The following INPP4B variants were observed in gnomAD, a reference collection of about 807,000 sequenced individuals.
INPP4B encodes inositol polyphosphate 4-phosphatase type II.
INPP4B carries 55 observed loss-of-function variants against 122.5 expected under a neutral mutation model. That is an observed-to-expected ratio of 0.45 (90% confidence interval 0.36 to 0.56). The LOEUF is 0.56. Among genes scored for constraint, INPP4B ranks in the 20% least tolerant of loss-of-function variants. The pLI is 0.00. For missense variants in INPP4B, 1,000 were observed against 1,097.7 expected, an observed-to-expected ratio of 0.91 and a Z score of 1.26; for synonymous variants, 403 against 388.7, an observed-to-expected ratio of 1.04 and a Z score of -0.43.
At chr4:142,537,429 T>TATATATATATATATAGAGAGAG (rs1200701380) in intron 2 of INPP4B, among the ~76,000 whole-genome samples, 7 of 25,484 alleles carry the variant, frequency 2.7e-4, no homozygotes, top group Non-Finnish European at 5.5e-4. Flanking sequence ...TATATATATA[T>TATATATATATATATAGAGAGAG]AGAGAGAGAG....
At chr4:142,669,414 T>C (rs1417834895) in intron 2 of INPP4B, among the ~76,000 whole-genome samples, 3 of 152,148 alleles carry the variant, frequency 2.0e-5, no homozygotes, top group Non-Finnish European at 2.9e-5. Context: ...CTTTAAAATA[T>C]GCTGCAAGCC....
intron 8 of INPP4B, among the ~76,000 whole-genome samples, chr4:142,312,670 A>C (rs749301625): frequency 5.3e-5 from 8 of 152,166 alleles, no homozygotes; most frequent in Non-Finnish European, 8.8e-5. Context: ...AAAGTGGCTG[A>C]CCTGGAGTCA....
At chr4:142,511,016 A>G (rs991906463) in intron 2 of INPP4B, among the ~76,000 whole-genome samples, 1 of 152,158 alleles carries the variant, frequency 6.6e-6, no homozygotes, top group African/African-American at 2.4e-5. Flanking sequence ...AATTCCTGGG[A>G]AATGAAGGAT....
intron 2 of INPP4B, among the ~76,000 whole-genome samples, chr4:142,488,943 T>C (rs1821518031): frequency 6.6e-6 from 1 of 152,138 alleles, no homozygotes; most frequent in Non-Finnish European, 1.5e-5. Context: ...ACGTGAAAAC[T>C]TAGTTAACTA....
At chr4:142,268,336 A>AAAAAAAAAAAAAAAAAAAAAAAAAAAAAC (rs1189940381) in intron 10 of INPP4B, among the ~76,000 whole-genome samples, 1 of 141,370 alleles carries the variant, frequency 7.1e-6, no homozygotes, top group Non-Finnish European at 1.5e-5. Context: ...AAAAAAAAAA[A>AAAAAAAAAAAAAAAAAAAAAAAAAAAAAC]AAAAAAAAAA....
chr4:142,123,472 T>C (rs756273275), intron 19 of INPP4B, 57 bp from the exon 20 acceptor site: 17 of 1,559,020 alleles, frequency 1.1e-5, no homozygotes, highest in African/African-American at 2.7e-5. Context: ...TTGTTTTATT[T>C]TGAAATATTT....
intron 2 of INPP4B, among the ~76,000 whole-genome samples, chr4:142,469,930 A>G (rs543032352): frequency 6.6e-6 from 1 of 152,286 alleles, no homozygotes; most frequent in African/African-American, 2.4e-5. Context: ...GAAGTATTTA[A>G]TGATTGTTGA....
At chr4:142,423,852 T>C (rs1341342579) in intron 5 of INPP4B, 3 of 430,422 alleles carry the variant, frequency 7.0e-6, no homozygotes, top group Non-Finnish European at 1.4e-5. Flanking sequence ...ATTTTTTATG[T>C]ACTTACCACT....
At chr4:142,795,250 T>C (rs909219416) in intron 1 of INPP4B, 1 of 151,936 alleles carries the variant, frequency 6.6e-6, no homozygotes, top group African/African-American at 2.4e-5. Context: ...GATAAAGAAA[T>C]ACAGATAAAC....
At chr4:142,550,094 G>A (rs1374420058) in intron 2 of INPP4B, among the ~76,000 whole-genome samples, 1 of 152,132 alleles carries the variant, frequency 6.6e-6, no homozygotes, top group African/African-American at 2.4e-5. Context: ...TAAATGACCT[G>A]TCTAGGGTGC....
At chr4:142,583,074 C>T (rs528622626) in intron 2 of INPP4B, among the ~76,000 whole-genome samples, 2 of 152,194 alleles carry the variant, frequency 1.3e-5, no homozygotes, top group Non-Finnish European at 2.9e-5. Context: ...GAACTCTGAA[C>T]CCCAGTTTCT....
intron 8 of INPP4B, among the ~76,000 whole-genome samples, chr4:142,312,592 G>T (rs542135313): frequency 7.5e-4 from 114 of 152,252 alleles, no homozygotes; most frequent in African/African-American, 2.5e-3. Flanking sequence ...CCACACAATG[G>T]AACAGCCTGC....
At chr4:142,569,784 G>A (rs1732419257) in intron 2 of INPP4B, among the ~76,000 whole-genome samples, 1 of 152,078 alleles carries the variant, frequency 6.6e-6, no homozygotes, top group African/African-American at 2.4e-5. Context: ...ATAAAACAAA[G>A]GTCCGCATGA....
chr4:142,141,167 A>C (rs1365402043), intron 18 of INPP4B, among the ~76,000 whole-genome samples: 1 of 152,180 alleles, frequency 6.6e-6, no homozygotes, highest in Non-Finnish European at 1.5e-5. Flanking sequence ...TTATATCTGG[A>C]CCAGTGGGTA....
chr4:142,258,280 G>A (rs1271955296), intron 11 of INPP4B, among the ~76,000 whole-genome samples: 11 of 152,032 alleles, frequency 7.2e-5, no homozygotes, highest in Admixed American at 7.2e-4. Flanking sequence ...TACCATTCAG[G>A]ACACAGGCAT....
At chr4:142,409,694 G>A (rs967548990) in intron 5 of INPP4B, among the ~76,000 whole-genome samples, 1 of 152,126 alleles carries the variant, frequency 6.6e-6, no homozygotes, top group Non-Finnish European at 1.5e-5. Context: ...AAGGCCCACT[G>A]TGTCCTTGAT....
At chr4:142,115,259 G>A (rs561532552) in intron 21 of INPP4B, among the ~76,000 whole-genome samples, 4 of 152,154 alleles carry the variant, frequency 2.6e-5, no homozygotes, top group South Asian at 2.1e-4. Flanking sequence ...TCAGGAGAAC[G>A]TCCCAAATCT....
Position 142,537,429 on chromosome 4 carries a change from TAGAGAGAGAGAGAG to T in INPP4B, c.-190-74717_-190-74704del, listed in dbSNP as rs1157643466. 5.8e-3 allele frequency among the ~76,000 whole-genome samples: 148 copies of T among 25,480 alleles called. 5 individuals are homozygous for T. Among genetic ancestry groups the T allele is most frequent in the East Asian group, 0.018 (27 of 1,502 alleles). The allele number at this position is 25,480 out of a possible 152,430, so 16.7% of individuals were successfully genotyped here. A position where few individuals can be genotyped will look rare whatever the true frequency, so the allele number is the denominator to read the frequency against. On this transcript the variant is annotated intron_variant, in intron 2 of 25. Coordinates refer to ENST00000262992, the MANE Select transcript of INPP4B (RefSeq NM_001101669.3). ...ATATATATATATATATATATATATA[TAGAGAGAGAGAGAG>T]AGAGAGAGAGAGAGAGAGAGAGAGA...
chr4:142,121,301 A>G (rs1796459274), intron 21 of INPP4B, among the ~76,000 whole-genome samples: 1 of 152,038 alleles, frequency 6.6e-6, no homozygotes, highest in Admixed American at 6.6e-5. Context: ...ATTTAAAATA[A>G]TTATTATATG....
Sources: gnomAD v4.1 joint callset for allele counts (sites outside exome capture counted in the v4.1 genomes callset) on GRCh38, gnomAD v4.1.1 for gene constraint, MANE v1.5 for transcripts, NCBI Gene and HGNC (gene_info 2026-07-23, HGNC 2026-07-21) for gene names.